The following TNRC6C variants were observed in gnomAD, a reference collection of about 807,000 sequenced individuals.
The protein encoded by TNRC6C is trinucleotide repeat containing adaptor 6C.
TNRC6C carries 20 observed loss-of-function variants against 153.7 expected under a neutral mutation model. The observed-to-expected ratio is 0.13, with a 90% confidence interval of 0.09 to 0.19. The LOEUF is 0.19. TNRC6C is among the 10% of genes least tolerant of loss of function. The pLI, the probability that TNRC6C is intolerant of heterozygous loss-of-function variation, is 1.00. For synonymous variants in TNRC6C, 811 were observed against 841.4 expected (o/e 0.96, Z 0.63); for missense variants, 1,987 against 2,172.0 (o/e 0.91, Z 1.69).
At chr17:78,047,667 C>T (rs2072438251) in intron 2 of TNRC6C, among the ~76,000 whole-genome samples, 1 of 151,890 alleles carries the variant, frequency 6.6e-6, no homozygotes, top group Non-Finnish European at 1.5e-5. Flanking sequence ...TTGAAGAGAA[C>T]ATAATTAAAA....
rs756853474 is a variant in TNRC6C, at chr17:78,011,036, A to G, written c.-546+5957A>G. Among the ~76,000 whole-genome samples the G allele has an allele frequency of 7.9e-5, 12 of 152,360 alleles. 1 individual carries two copies. Among genetic ancestry groups the G allele is most frequent in the Admixed American group, 1.3e-4 (2 of 15,302 alleles). ...AAGTGAAAGTTCACATCTCTGTTTC[A>G]TATAACTTTTCACTAAAACTTTAAA... On this transcript the variant is annotated intron_variant, in intron 1 of 19. Coordinates refer to ENST00000301624, the Ensembl canonical transcript of TNRC6C.
intron 3 of TNRC6C, among the ~76,000 whole-genome samples, 171 bp downstream of exon 5, chr17:78,051,619 G>A (rs2074535474): frequency 1.3e-5 from 2 of 152,050 alleles, no homozygotes; most frequent in African/African-American, 4.8e-5. Flanking sequence ...TCCAGTGAGA[G>A]CAAAGTAGGA....
At chr17:77,998,251 C>T (rs1055687622) in intron 1 of TNRC6C, among the ~76,000 whole-genome samples, 8 of 152,094 alleles carry the variant, frequency 5.3e-5, no homozygotes, top group East Asian at 1.9e-4. Flanking sequence ...GTGGACCCTA[C>T]GTGACATAGT....
Position 78,064,742 on chromosome 17 carries a change from A to G in TNRC6C, c.2416A>G (p.Met806Val), listed in dbSNP as rs777932613. ...TTCAGTTTCATCAGGCTGGGGAGAA[A>G]TGCCTAATGTTCACTCAAAGACTGA... Residue 806 changes from methionine to valine, a missense_variant, in exon 4 of 20, where the codon ATG becomes GTG. Met to Val is a conservative substitution (Grantham distance 21, BLOSUM62 1). Transcript: ENST00000301624. 6.2e-6 allele frequency: 10 copies of G among 1,613,524 alleles called. No individual in the cohort carries two copies. The highest frequency in any genetic ancestry group is 7.6e-6 in the Non-Finnish European group (9 of 1,179,832).
chr17:78,097,773 C>A (rs1441758485), intron 16 of TNRC6C: 1 of 1,550,832 alleles, frequency 6.4e-7, no homozygotes, highest in East Asian at 2.4e-5. Context: ...CTCAGAATGC[C>A]ACGCTGCCTT....
intron 6 of TNRC6C, among the ~76,000 whole-genome samples, chr17:78,071,985 G>A (rs187464199): frequency 6.6e-6 from 1 of 152,368 alleles, no homozygotes; most frequent in Admixed American, 6.5e-5. Flanking sequence ...GGCAAGGGAT[G>A]TCGCCCATAT....
chr17:78,048,895 C>T, exon 3 of TNRC6C: 1 of 1,257,772 alleles, frequency 8.0e-7, no homozygotes, highest in Non-Finnish European at 1.0e-6. Flanking sequence ...CCACTGGGGA[C>T]AGCAGCCTAC....
exon 20 of TNRC6C, chr17:78,107,945 C>G (rs1161179351): frequency 6.6e-6 from 1 of 152,252 alleles, no homozygotes; most frequent in Non-Finnish European, 1.5e-5. Context: ...TCACCAAGCA[C>G]TTTGAGCACA....
chr17:78,013,016 A>G (rs767576650), intron 1 of TNRC6C, among the ~76,000 whole-genome samples: 33 of 152,244 alleles, frequency 2.2e-4, no homozygotes, highest in African/African-American at 2.9e-4. Context: ...TAAGTTTGCT[A>G]TGAAAGCAAG....
rs749218258 is a variant in TNRC6C at position 78,077,346 on chromosome 17, T to G, written c.3210+12T>G. ...ATTCTTCTAGACAGGTAAGGCTGTT[T>G]GGAGAGAGCAAAACATGGCCTTTGT... On this transcript the variant is annotated intron_variant, in intron 9 of 19. Coordinates refer to ENST00000301624, the Ensembl canonical transcript of TNRC6C. 1.2e-4 allele frequency: 189 copies of G among 1,566,620 alleles called. 1 individual carries two copies. In the South Asian group the frequency reaches 2.1e-3, roughly 17 times the overall value.
chr17:78,073,041 A>C, exon 7 of TNRC6C: 1 of 1,554,954 alleles, frequency 6.4e-7, no homozygotes, highest in Non-Finnish European at 8.7e-7. Flanking sequence ...ACACAGAGAG[A>C]GCCAGCTGAG....
At position 78,104,178 on chromosome 17, in the gene TNRC6C, T is replaced by A. The variant is rs140619816; in HGVS notation, c.4713-307T>A. Among the ~76,000 whole-genome samples the A allele has an allele frequency of 8.5e-5, 13 of 152,314 alleles. No homozygotes were observed. The highest frequency in any genetic ancestry group is 1.8e-4 in the Non-Finnish European group (12 of 68,018). On this transcript the variant is annotated intron_variant, in intron 19 of 19. Coordinates refer to ENST00000301624, the Ensembl canonical transcript of TNRC6C. This position sits in a 1 kb window ranked among gnomAD's most constrained non-coding sequence, Gnocchi z 6.2. ...CTGATCAGTAACATCACTTGAGACG[T>A]TGGAACCTAGAAATTAGTCATTCCT...
At chr17:77,987,563 A>G (rs923433547) in intron 1 of TNRC6C, among the ~76,000 whole-genome samples, 17 of 152,244 alleles carry the variant, frequency 1.1e-4, no homozygotes, top group Admixed American at 1.0e-3. Context: ...TAGTGATAAA[A>G]ACAGTGTCAA....
intron 1 of TNRC6C, among the ~76,000 whole-genome samples, chr17:77,984,612 A>G (rs2071132781): frequency 6.6e-6 from 1 of 152,224 alleles, no homozygotes; most frequent in Admixed American, 6.5e-5. Flanking sequence ...GAGCCCTGGC[A>G]GTGCTCACCT....
chr17:77,973,680 G>A (rs2070960333), intron 1 of TNRC6C, among the ~76,000 whole-genome samples: 1 of 152,162 alleles, frequency 6.6e-6, no homozygotes, highest in Non-Finnish European at 1.5e-5. Context: ...AATCATTTGT[G>A]TTTCTTGATG....
intron 2 of TNRC6C, among the ~76,000 whole-genome samples, chr17:78,039,994 A>G (rs777707135): frequency 5.3e-5 from 8 of 152,220 alleles, no homozygotes; most frequent in Non-Finnish European, 8.8e-5. Context: ...GTTATTGCCA[A>G]TGGTGGAAGG....
In TNRC6C at chr17:78,026,962, T is replaced by C. The variant is rs147680671; in HGVS notation, c.-545-4554T>C. The stretch of plus-strand genomic sequence containing the variant: ...TTAGATGTAGGAGAGATTGAAATAC[T>C]CAGAAGGGCGAGGCGAGAAAGCTGA... On this transcript the variant is annotated intron_variant, in intron 1 of 19. Transcript: ENST00000301624. Among the ~76,000 whole-genome samples the C allele has an allele frequency of 2.7e-3, 414 of 152,260 alleles. 1 individual carries two copies. Among genetic ancestry groups the C allele is most frequent in the African/African-American group, 8.4e-3 (350 of 41,542 alleles).
At chr17:77,976,779 A>G (rs1437641950) in intron 1 of TNRC6C, among the ~76,000 whole-genome samples, 1 of 151,924 alleles carries the variant, frequency 6.6e-6, no homozygotes, top group Non-Finnish European at 1.5e-5. Flanking sequence ...AAATACAAAA[A>G]TTATCTGGGC....
intron 16 of TNRC6C, chr17:78,097,809 C>T: frequency 6.4e-7 from 1 of 1,551,086 alleles, no homozygotes; most frequent in Non-Finnish European, 8.7e-7. Flanking sequence ...CACTCAGTGC[C>T]TCCGGCTACA....
Sources: gnomAD v4.1 joint callset for allele counts (sites outside exome capture counted in the v4.1 genomes callset) on GRCh38, gnomAD v4.1.1 for gene constraint, Gnocchi (gnomAD v3.1) non-coding constraint, MANE v1.5 for transcripts, NCBI Gene and HGNC (gene_info 2026-07-23, HGNC 2026-07-21) for gene names.